The following DRICH1 variants were observed in gnomAD, a reference collection of about 807,000 sequenced individuals.
DRICH1 encodes aspartate rich 1.
In DRICH1, 38 loss-of-function variants were observed where a neutral mutation model predicts 39.5. That is an observed-to-expected ratio of 0.96 (90% CI 0.74 to 1.26). The LOEUF is 1.26. DRICH1 is among the 50% of genes most tolerant of loss of function. DRICH1 has a pLI of 0.00. For missense variants in DRICH1, 279 were observed against 270.4 expected, an observed-to-expected ratio of 1.03 and a Z score of -0.22; for synonymous variants, 84 against 99.5, an observed-to-expected ratio of 0.84 and a Z score of 0.93.
At chr22:23,583,091 C>T in the DRICH1 span, 6 of 152,212 alleles carry the variant, frequency 3.9e-5, no homozygotes, top group African/African-American at 1.2e-4. Context: ...AACTGTTCAA[C>T]GGGAGGGATG....
At chr22:23,593,159 G>GA in the DRICH1 span, among the ~76,000 whole-genome samples, 1 of 151,948 alleles carries the variant, frequency 6.6e-6, no homozygotes, top group South Asian at 2.1e-4. Flanking sequence ...AGAACTAAAG[G>GA]AAATCAGCAA....
chr22:23,617,466 T>C, intron 7 of DRICH1, 109 bp downstream of exon 7: 1 of 1,276,730 alleles, frequency 7.8e-7, no homozygotes, highest in East Asian at 2.3e-5. Context: ...AATCTCACTT[T>C]TACTGTTTTT....
the DRICH1 span, among the ~76,000 whole-genome samples, chr22:23,601,077 A>G: frequency 6.6e-6 from 1 of 152,064 alleles, no homozygotes; most frequent in Non-Finnish European, 1.5e-5. Flanking sequence ...TTTGTTTGCA[A>G]ATATTTATAC....
the DRICH1 span, among the ~76,000 whole-genome samples, chr22:23,588,081 T>C: frequency 6.6e-6 from 1 of 152,176 alleles, no homozygotes; most frequent in African/African-American, 2.4e-5. Flanking sequence ...CAGTAGTTCC[T>C]GATAAAATCT....
intron 8 of DRICH1, among the ~76,000 whole-genome samples, chr22:23,615,283 G>A (rs1281193158): frequency 2.0e-5 from 3 of 152,178 alleles, no homozygotes; most frequent in Non-Finnish European, 4.4e-5. Context: ...GGCTGAGGCA[G>A]GAGAATCACT....
chr22:23,594,328 G>A, the DRICH1 span, among the ~76,000 whole-genome samples: 272 of 152,300 alleles, frequency 1.8e-3, no homozygotes, highest in Non-Finnish European at 2.7e-3. Context: ...AAGCACTTTG[G>A]GAGACCAAGG....
chr22:23,602,717 G>A, the DRICH1 span, among the ~76,000 whole-genome samples: 1 of 151,318 alleles, frequency 6.6e-6, no homozygotes, highest in Non-Finnish European at 1.5e-5. Context: ...TTTGGGGGGG[G>A]GTGGAAATAT....
chr22:23,603,412 C>T, the DRICH1 span, among the ~76,000 whole-genome samples: 1 of 152,022 alleles, frequency 6.6e-6, no homozygotes, highest in Non-Finnish European at 1.5e-5. Context: ...GCTACCCCCA[C>T]TCTCCGCCCT....
chr22:23,624,925 A>G (rs559688898), intron 2 of DRICH1, 21 bp from the exon 3 acceptor site: 1 of 1,612,828 alleles, frequency 6.2e-7, no homozygotes, highest in Non-Finnish European at 8.5e-7. Flanking sequence ...ACAAAAGAAG[A>G]TGCTATGAGG....
chr22:23,629,191 A>C lies in DRICH1; in HGVS notation c.208+2625T>G, dbSNP rs1160424576. ...GTAGCTGGGATTACAGGCACCCACC[A>C]CCACATCCAACTCATTTTTATATTT... On this transcript the variant is annotated intron_variant, in intron 1 of 11. Transcript: ENST00000317749. Among the ~76,000 whole-genome samples the C allele has an allele frequency of 3.3e-5, 5 of 152,058 alleles. No individual in the cohort carries two copies. The East Asian group carries it at 7.7e-4, about 24-fold the overall frequency.
At chr22:23,594,740 A>T in the DRICH1 span, among the ~76,000 whole-genome samples, 38 of 152,246 alleles carry the variant, frequency 2.5e-4, no homozygotes, top group Admixed American at 3.3e-4. Flanking sequence ...GCTTTGATAA[A>T]CAGGATCTAT....
the DRICH1 span, among the ~76,000 whole-genome samples, chr22:23,584,079 G>C: frequency 6.6e-6 from 1 of 152,200 alleles, no homozygotes. Flanking sequence ...ATCTGGGTCT[G>C]GCTGGATCCT....
the DRICH1 span, among the ~76,000 whole-genome samples, chr22:23,590,301 G>A: frequency 2.2e-5 from 3 of 133,960 alleles, no homozygotes; most frequent in Admixed American, 7.6e-5. Context: ...TTTTTGAGAC[G>A]GAGTGTTGCT....
chr22:23,626,786 G>A (rs147480642), intron 1 of DRICH1, among the ~76,000 whole-genome samples: 59 of 152,274 alleles, frequency 3.9e-4, no homozygotes, highest in African/African-American at 1.4e-3. Context: ...CTCTAAAAAG[G>A]CATTGCTCAC....
chr22:23,603,007 T>G, the DRICH1 span, among the ~76,000 whole-genome samples: 3 of 112,956 alleles, frequency 2.7e-5, no homozygotes, highest in African/African-American at 8.7e-5. Context: ...ACACATTTAC[T>G]TTTTTTTTTT....
chr22:23,609,741 T>A (rs34140548), intron 11 of DRICH1, among the ~76,000 whole-genome samples: 2 of 152,108 alleles, frequency 1.3e-5, no homozygotes, highest in Admixed American at 1.3e-4. Context: ...AATCTCACTA[T>A]GTCCTTCATC....
intron 8 of DRICH1, among the ~76,000 whole-genome samples, chr22:23,614,608 A>G (rs1226240094): frequency 6.6e-6 from 1 of 152,220 alleles, no homozygotes; most frequent in African/African-American, 2.4e-5. Flanking sequence ...TACATTTAGC[A>G]TCTCTTTTAA....
chr22:23,632,327 C>T, upstream of DRICH1: 1 of 414,876 alleles, frequency 2.4e-6, no homozygotes, highest in African/African-American at 2.0e-5. Flanking sequence ...TGACTGAGGG[C>T]TGCTGGCCCT....
At chr22:23,605,305 G>A (rs1926667308), downstream of DRICH1, among the ~76,000 whole-genome samples, 1 of 152,114 alleles carries the variant, frequency 6.6e-6, no homozygotes, top group Non-Finnish European at 1.5e-5. Flanking sequence ...CCCCCCAACA[G>A]GTCCTCCCCA....
Sources: allele counts gnomAD v4.1 joint callset (sites outside exome capture counted in the v4.1 genomes callset), GRCh38; gene constraint gnomAD v4.1.1; transcripts MANE v1.5; gene names NCBI Gene and HGNC (gene_info 2026-07-23, HGNC 2026-07-21).